ROCK1: variants seen among roughly 807,000 people sequenced by gnomAD.
ROCK1 encodes Rho associated coiled-coil containing protein kinase 1.
Under a neutral mutation model 196.8 loss-of-function variants are expected in ROCK1, and 36 were observed. The ratio of observed to expected loss-of-function variants is 0.18; its 90% CI spans 0.14 to 0.24. The LOEUF (loss-of-function observed/expected upper bound fraction) is 0.24. Among genes scored for constraint, ROCK1 ranks in the 10% least tolerant of loss-of-function variants. The pLI, the probability that ROCK1 is intolerant of heterozygous loss-of-function variation, is 1.00. For synonymous variants in ROCK1, 443 were observed against 515.9 expected, an observed-to-expected ratio of 0.86 and a Z score of 1.91; for missense variants, 920 against 1,562.0, an observed-to-expected ratio of 0.59 and a Z score of 6.93.
At chr18:21,038,821 A>C (rs1210267840) in intron 9 of ROCK1, among the ~76,000 whole-genome samples, 1 of 152,228 alleles carries the variant, frequency 6.6e-6, no homozygotes, top group African/African-American at 2.4e-5. Context: ...CACGAAGATG[A>C]TGAGAACCTT....
chr18:20,991,855 C>G (rs1246861122), intron 17 of ROCK1, among the ~76,000 whole-genome samples: 9 of 152,042 alleles, frequency 5.9e-5, no homozygotes, highest in Admixed American at 2.6e-4. Flanking sequence ...CCAGGCTATT[C>G]TCAAATTCCT....
chr18:20,994,601 T>C lies in ROCK1; in HGVS notation c.1886-1664A>G, dbSNP rs530691586. On this transcript the variant is annotated intron_variant, in intron 16 of 32. Transcript: ENST00000399799. ...TTTAAAAATCATTTTAAAAAATCTG[T>C]ACAAAGATAGTAATTCAGATTAATC... is the stretch of plus-strand genomic sequence containing the variant. Among the ~76,000 whole-genome samples, 161 of 152,294 alleles carry C rather than the reference T, an allele frequency of 1.1e-3. 2 individuals are homozygous for C. Among genetic ancestry groups the C allele is most frequent in the Admixed American group, 9.5e-3 (146 of 15,292 alleles).
intron 12 of ROCK1, among the ~76,000 whole-genome samples, chr18:21,019,308 C>T (rs552980519): frequency 7.4e-4 from 112 of 152,188 alleles, no homozygotes; most frequent in Admixed American, 8.5e-4. Flanking sequence ...GGCACACCTT[C>T]GTGCCCAGCT....
chr18:20,990,283 G>A (rs914195461), intron 18 of ROCK1, among the ~76,000 whole-genome samples: 1 of 151,938 alleles, frequency 6.6e-6, no homozygotes, highest in African/African-American at 2.4e-5. Context: ...AGCAGATGAT[G>A]AGGTCCAGAG....
chr18:21,066,756 A>C (rs768264866), intron 2 of ROCK1, among the ~76,000 whole-genome samples: 2 of 152,262 alleles, frequency 1.3e-5, no homozygotes, highest in Non-Finnish European at 2.9e-5. Flanking sequence ...TATTGCACAT[A>C]GCAGTAATTC....
At chr18:20,987,763 A>G (rs1267301938) in intron 18 of ROCK1, among the ~76,000 whole-genome samples, 1 of 152,210 alleles carries the variant, frequency 6.6e-6, no homozygotes, top group Non-Finnish European at 1.5e-5. Flanking sequence ...AGGTGACAAA[A>G]TATAAACTAT....
At chr18:21,041,935 G>A (rs576863870) in intron 8 of ROCK1, among the ~76,000 whole-genome samples, 162 bp downstream of exon 8, 1 of 152,204 alleles carries the variant, frequency 6.6e-6, no homozygotes, top group Admixed American at 6.5e-5. Flanking sequence ...AGTGAGTTGA[G>A]ATCTACAAAA....
At chr18:20,982,316 A>ACCTTGGCTTATTATAAT (rs1255478135) in intron 21 of ROCK1, among the ~76,000 whole-genome samples, 1 of 152,198 alleles carries the variant, frequency 6.6e-6, no homozygotes, top group East Asian at 1.9e-4. Flanking sequence ...AGCACAGATG[A>ACCTTGGCTTATTATAAT]CCTTGGCTTA....
intron 16 of ROCK1, among the ~76,000 whole-genome samples, chr18:20,996,406 G>A (rs2035670883): frequency 6.6e-6 from 1 of 152,248 alleles, no homozygotes; most frequent in South Asian, 2.1e-4. Context: ...AATGGAACAT[G>A]CATATAAGAT....
rs2036746626 is a variant in ROCK1, at chr18:21,111,001, G to A, written c.-91C>T. 6 of 1,072,088 alleles carry A rather than the reference G, an allele frequency of 5.6e-6. No individual in the cohort carries two copies. Among genetic ancestry groups the A allele is most frequent in the East Asian group, 2.4e-5 (1 of 42,040 alleles). The allele number at this position is 1,072,088 out of a possible 1,614,324, so 66.4% of individuals were successfully genotyped here. On this transcript the variant is annotated 5_prime_UTR_variant, in exon 1 of 33. Transcript: ENST00000399799. This position sits in a 1 kb window ranked among gnomAD's most constrained non-coding sequence, Gnocchi z 4.2. ...CCTCCGCGGTGGGTTCGCAGCCGCG[G>A]GGCGGAGGAGCCGGAACCTCAGGGT...
At chr18:21,040,376 A>G (rs1411766933) in intron 8 of ROCK1, among the ~76,000 whole-genome samples, 1 of 152,216 alleles carries the variant, frequency 6.6e-6, no homozygotes, top group Non-Finnish European at 1.5e-5. Context: ...ATGACTACTA[A>G]TTCTTGATAC....
At chr18:20,996,528 C>T (rs1018393035) in intron 16 of ROCK1, among the ~76,000 whole-genome samples, 3 of 151,924 alleles carry the variant, frequency 2.0e-5, no homozygotes, top group South Asian at 4.2e-4. Context: ...CAGAACTTCC[C>T]AAATCTAGAA....
chr18:20,982,734 T>A (rs758053801), intron 21 of ROCK1, 29 bp downstream of exon 21: 14 of 1,090,430 alleles, frequency 1.3e-5, no homozygotes, highest in Admixed American at 3.6e-5. Context: ...TTTGAAACAG[T>A]GTGTATGTTA....
chr18:21,040,993 A>C (rs2036100634), intron 8 of ROCK1, among the ~76,000 whole-genome samples: 1 of 151,890 alleles, frequency 6.6e-6, no homozygotes, highest in Non-Finnish European at 1.5e-5. Flanking sequence ...TGGTGACAGG[A>C]ACCTGTAGTC....
intron 13 of ROCK1, among the ~76,000 whole-genome samples, chr18:21,011,320 C>T (rs2035815242): frequency 6.6e-6 from 1 of 152,022 alleles, no homozygotes; most frequent in Non-Finnish European, 1.5e-5. Flanking sequence ...GAATGTATCT[C>T]CTTGTAAGGC....
intron 12 of ROCK1, among the ~76,000 whole-genome samples, chr18:21,017,010 C>A (rs2035868493): frequency 6.6e-6 from 1 of 151,932 alleles, no homozygotes; most frequent in South Asian, 2.1e-4. Flanking sequence ...ACGGCCTTCA[C>A]AGATACTCAC....
intron 22 of ROCK1, among the ~76,000 whole-genome samples, chr18:20,978,312 G>C (rs1009988913): frequency 5.9e-5 from 9 of 151,950 alleles, no homozygotes; most frequent in African/African-American, 2.2e-4. Flanking sequence ...AACAGAAATA[G>C]GCAACCAGAA....
intron 16 of ROCK1, among the ~76,000 whole-genome samples, chr18:21,004,325 A>G (rs540029511): frequency 6.6e-6 from 1 of 152,336 alleles, no homozygotes; most frequent in East Asian, 1.9e-4. Flanking sequence ...AACTAAATTT[A>G]TACTTGAGAG....
In ROCK1 at chr18:21,053,309, A is replaced by G. The variant is rs116416023; in HGVS notation, c.176-3429T>C. On this transcript the variant is annotated intron_variant, in intron 2 of 32. Coordinates refer to ENST00000399799, the MANE Select transcript of ROCK1 (RefSeq NM_005406.3). ...TTTTTTTGGTCAAGCCTGCATGAACATTTTTCTTTATGAAGAAATTTTACT... is the reference window on the plus strand; with the variant it reads ...TTTTTTTGGTCAAGCCTGCATGAACGTTTTTCTTTATGAAGAAATTTTACT... 8.2e-3 allele frequency among the ~76,000 whole-genome samples: 1,243 copies of G among 151,536 alleles called. 14 individuals carry two copies. The highest frequency in any genetic ancestry group is 0.029 in the African/African-American group (1,188 of 41,274).
Sources: allele counts gnomAD v4.1 joint callset (sites outside exome capture counted in the v4.1 genomes callset), GRCh38; gene constraint gnomAD v4.1.1; non-coding constraint Gnocchi (gnomAD v3.1); transcripts MANE v1.5; gene names NCBI Gene and HGNC (gene_info 2026-07-23, HGNC 2026-07-21).